The following STXBP6 variants were observed in gnomAD, a reference collection of about 807,000 sequenced individuals.
The protein encoded by STXBP6 is syntaxin-binding protein 6.
A neutral mutation model predicts 26.9 loss-of-function variants in STXBP6; 21 were observed. The ratio of observed to expected loss-of-function variants is 0.78; its 90% CI spans 0.55 to 1.12. STXBP6 has a LOEUF of 1.12. Among genes scored for constraint, STXBP6 ranks in the 50% most tolerant of loss-of-function variants. STXBP6 has a pLI of 0.00. For missense variants in STXBP6, 232 were observed against 257.9 expected, an observed-to-expected ratio of 0.90 and a Z score of 0.69; for synonymous variants, 97 against 92.6, an observed-to-expected ratio of 1.05 and a Z score of -0.27.
chr14:24,983,642 CAAG>C (rs1410569921), intron 1 of STXBP6, among the ~76,000 whole-genome samples: 2 of 152,028 alleles, frequency 1.3e-5, no homozygotes, highest in East Asian at 3.9e-4. Flanking sequence ...AAAAAGAAAA[CAAG>C]AAGATGTGTC....
intron 4 of STXBP6, among the ~76,000 whole-genome samples, chr14:24,833,601 T>C (rs1429329275): frequency 6.6e-6 from 1 of 152,236 alleles, no homozygotes; most frequent in Non-Finnish European, 1.5e-5. Context: ...ACCTAAATCC[T>C]TATTTTCATT....
intron 2 of STXBP6, among the ~76,000 whole-genome samples, chr14:24,895,380 GC>G (rs1273288947): frequency 6.6e-6 from 1 of 152,146 alleles, no homozygotes; most frequent in East Asian, 1.9e-4. Flanking sequence ...TATCTAGAGG[GC>G]CCATTCTTCA....
intron 2 of STXBP6, among the ~76,000 whole-genome samples, chr14:24,953,462 C>G (rs774904622): frequency 6.6e-6 from 1 of 152,170 alleles, no homozygotes; most frequent in African/African-American, 2.4e-5. Flanking sequence ...CAAGTTGTCA[C>G]GCTTCCTTCT....
At chr14:24,848,150 G>A (rs981194738) in intron 4 of STXBP6, among the ~76,000 whole-genome samples, 9 of 152,118 alleles carry the variant, frequency 5.9e-5, no homozygotes, top group East Asian at 1.9e-4. Flanking sequence ...TATTTGTAGT[G>A]TTTAAAAACA....
At chr14:24,921,284 G>T (rs1196472091) in intron 2 of STXBP6, among the ~76,000 whole-genome samples, 1 of 152,028 alleles carries the variant, frequency 6.6e-6, no homozygotes, top group Non-Finnish European at 1.5e-5. Context: ...CACAAACCTG[G>T]TATAAGCTAT....
In STXBP6 at chr14:24,931,134, A is replaced by AAAAAAACAAAAAC. The variant is rs1595134386; in HGVS notation, c.154+43530_154+43531insGTTTTTGTTTTTT. On this transcript the variant is annotated intron_variant, in intron 2 of 5. Transcript: ENST00000323944. ...CTCCGTCTCAAAAAAAAAAAAAAAA[A>AAAAAAACAAAAAC]AAAAAAAACCCAAACACCACATGTT... 3.4e-5 allele frequency among the ~76,000 whole-genome samples: 4 copies of AAAAAAACAAAAAC among 117,972 alleles called. 1 individual carries two copies. Among genetic ancestry groups the AAAAAAACAAAAAC allele is most frequent in the Admixed American group, 9.1e-5 (1 of 10,968 alleles). The allele number at this position is 117,972 out of a possible 152,430, so 77.4% of individuals were successfully genotyped here. A position where few individuals can be genotyped will look rare whatever the true frequency, so the allele number is the denominator to read the frequency against.
chr14:24,977,720 T>C (rs1245761478), intron 1 of STXBP6, among the ~76,000 whole-genome samples: 1 of 152,192 alleles, frequency 6.6e-6, no homozygotes, highest in Non-Finnish European at 1.5e-5. Context: ...TACTATGATA[T>C]GAAAAGATAA....
chr14:24,969,092 C>T (rs758654904), intron 2 of STXBP6, among the ~76,000 whole-genome samples: 3 of 152,136 alleles, frequency 2.0e-5, no homozygotes, highest in Non-Finnish European at 1.5e-5. Flanking sequence ...CATGTCATTA[C>T]CTTCCATGGG....
intron 1 of STXBP6, among the ~76,000 whole-genome samples, chr14:25,036,800 G>A (rs1195268466): frequency 6.9e-6 from 1 of 145,760 alleles, no homozygotes; most frequent in Non-Finnish European, 1.5e-5. Flanking sequence ...AGCTTGCAGT[G>A]AGCCAAGATG....
intron 2 of STXBP6, among the ~76,000 whole-genome samples, chr14:24,898,212 A>G (rs1174954898): frequency 6.6e-6 from 1 of 152,238 alleles, no homozygotes; most frequent in Non-Finnish European, 1.5e-5. Context: ...TTGCATTCTG[A>G]GTACAAGGTC....
At chr14:24,864,812 T>A (rs2069662754) in intron 2 of STXBP6, among the ~76,000 whole-genome samples, 1 of 152,126 alleles carries the variant, frequency 6.6e-6, no homozygotes. Context: ...CTCTCTTGGC[T>A]CTCCTGCCTC....
chr14:24,911,234 G>A (rs1326634035), intron 2 of STXBP6, among the ~76,000 whole-genome samples: 1 of 152,026 alleles, frequency 6.6e-6, no homozygotes, highest in Non-Finnish European at 1.5e-5. Flanking sequence ...CTACTCAGGA[G>A]ACTGAGGCAG....
In STXBP6 at chr14:24,866,270, C is replaced by T. The variant is rs368970447; in HGVS notation, c.155-9113G>A. ...GGCTCCTTCTTGGGCCTCCAACCTG[C>T]CAGCCTGCCTTGCAGATTTTGGACT... On this transcript the variant is annotated intron_variant, in intron 2 of 5. Transcript: ENST00000323944. Among the ~76,000 whole-genome samples the T allele has an allele frequency of 9.6e-4, 146 of 152,216 alleles. 2 individuals carry two copies. Among genetic ancestry groups the T allele is most frequent in the African/African-American group, 3.4e-3 (140 of 41,536 alleles).
intron 3 of STXBP6, among the ~76,000 whole-genome samples, chr14:24,856,518 TA>T (rs1235608948): frequency 6.6e-6 from 1 of 152,102 alleles, no homozygotes; most frequent in Non-Finnish European, 1.5e-5. Context: ...TATTCTTCAT[TA>T]TTAGCATTTT....
At chr14:25,009,784 TTA>T (rs1478243473) in intron 1 of STXBP6, among the ~76,000 whole-genome samples, 1 of 152,086 alleles carries the variant, frequency 6.6e-6, no homozygotes, top group Non-Finnish European at 1.5e-5. Context: ...ACCACAAACA[TTA>T]TATGTTACCA....
rs8181912 is a variant in STXBP6 at position 24,828,709 on chromosome 14, T to G, written c.452-9515A>C. ...CCAAAGTAGTGAATGTGTTCTCCTC[T>G]TTAGAAATTTGGCTATCTGTTCAGA... On this transcript the variant is annotated intron_variant, in intron 4 of 5. Coordinates refer to ENST00000323944, the MANE Select transcript of STXBP6 (RefSeq NM_001394410.1). Among the ~76,000 whole-genome samples the G allele has an allele frequency of 4.7e-3, 709 of 152,318 alleles. 41 individuals are homozygous for G. The East Asian group carries it at 0.11, about 24-fold the overall frequency.
At chr14:24,867,699 C>T (rs1244114901) in intron 2 of STXBP6, among the ~76,000 whole-genome samples, 1 of 151,946 alleles carries the variant, frequency 6.6e-6, no homozygotes, top group Non-Finnish European at 1.5e-5. Context: ...AATGTAAAGG[C>T]CTAAAATTAC....
Position 24,823,067 on chromosome 14 carries a change from T to C in STXBP6, c.452-3873A>G, listed in dbSNP as rs1459169328. Among the ~76,000 whole-genome samples the C allele has an allele frequency of 3.3e-5, 5 of 152,272 alleles. 1 individual carries two copies. In the South Asian group the frequency reaches 6.2e-4, roughly 19 times the overall value. Reference sequence around the variant, plus strand: ...AAGCAGTCTGAGAAGCTGTCAACCATGGTAAATAAAGTCAACTACTTTTGG... The same window carrying C: ...AAGCAGTCTGAGAAGCTGTCAACCACGGTAAATAAAGTCAACTACTTTTGG... On this transcript the variant is annotated intron_variant, in intron 4 of 5. Coordinates refer to ENST00000323944, the MANE Select transcript of STXBP6 (RefSeq NM_001394410.1).
chr14:24,830,651 A>C (rs1222417963), intron 4 of STXBP6, among the ~76,000 whole-genome samples: 4 of 152,170 alleles, frequency 2.6e-5, no homozygotes, highest in Non-Finnish European at 5.9e-5. Flanking sequence ...ATCCAAGTGG[A>C]GTCAGTAAGT....
Sources: allele counts gnomAD v4.1 joint callset (sites outside exome capture counted in the v4.1 genomes callset), GRCh38; gene constraint gnomAD v4.1.1; transcripts MANE v1.5; gene names NCBI Gene and HGNC (gene_info 2026-07-23, HGNC 2026-07-21).